Variants in GRIK2 observed in about 807,000 individuals in gnomAD.
The protein encoded by GRIK2 is glutamate ionotropic receptor kainate type subunit 2.
Under a neutral mutation model 100.3 loss-of-function variants are expected in GRIK2, and 32 were observed. The observed-to-expected ratio is 0.32, with a 90% CI of 0.24 to 0.43. The LOEUF is 0.43. Among genes scored for constraint, GRIK2 ranks in the 20% least tolerant of loss-of-function variants. The pLI, the probability that GRIK2 is intolerant of heterozygous loss-of-function variation, is 1.00. For synonymous variants in GRIK2, 417 were observed against 389.4 expected (o/e 1.07, Z -0.83); for missense variants, 843 against 1,114.9 (o/e 0.76, Z 3.47).
chr6:101,696,371 C>A lies in GRIK2; in HGVS notation c.951+10018C>A, dbSNP rs540452706. Among the ~76,000 whole-genome samples, 16 of 151,650 alleles carry A rather than the reference C, an allele frequency of 1.1e-4. No homozygotes were observed. The East Asian group carries it at 2.5e-3, about 24-fold the overall frequency. ...AAATATATACCTCAGTAGATATTTC[C>A]ATTTCTTTTGTTTTAAATTACCTAC... On this transcript the variant is annotated intron_variant, in intron 7 of 16. Transcript: ENST00000369134.
At position 101,536,269 on chromosome 6, in the gene GRIK2, G is replaced by A. The variant is rs115973197; in HGVS notation, c.116-85680G>A. Among the ~76,000 whole-genome samples, 1,065 of 151,730 alleles carry A rather than the reference G, an allele frequency of 7.0e-3. 15 individuals are homozygous for A. The highest frequency in any genetic ancestry group is 0.024 in the African/African-American group (1,004 of 41,468). ...TCAGAGATGACTTGGTTTCTACAGC[G>A]TCTTAGATAGAAGGCTATTAAACCA... On this transcript the variant is annotated intron_variant, in intron 2 of 16. Coordinates refer to ENST00000369134, the MANE Select transcript of GRIK2 (RefSeq NM_021956.5).
chr6:101,991,434 AAAT>A (rs1204448727), intron 14 of GRIK2, among the ~76,000 whole-genome samples: 13 of 150,620 alleles, frequency 8.6e-5, no homozygotes, highest in African/African-American at 2.9e-4. Context: ...TTTGTTTTGT[AAAT>A]AATAATATTG....
intron 11 of GRIK2, among the ~76,000 whole-genome samples, chr6:101,869,772 C>G (rs1456900196): frequency 6.6e-6 from 1 of 151,772 alleles, no homozygotes; most frequent in Non-Finnish European, 1.5e-5. Flanking sequence ...GTTAGGGACC[C>G]CTTGCTTCTG....
intron 2 of GRIK2, among the ~76,000 whole-genome samples, chr6:101,473,748 A>ATT (rs1772076685): frequency 1.3e-5 from 2 of 151,832 alleles, no homozygotes; most frequent in African/African-American, 2.4e-5. Context: ...TTTGTAACAC[A>ATT]TTTTATTTAT....
At chr6:101,735,665 C>T (rs1775583531) in intron 7 of GRIK2, among the ~76,000 whole-genome samples, 1 of 152,134 alleles carries the variant, frequency 6.6e-6, no homozygotes, top group Non-Finnish European at 1.5e-5. Context: ...AGTTATCTCC[C>T]ACCAGATTCC....
intron 10 of GRIK2, among the ~76,000 whole-genome samples, chr6:101,854,328 C>T (rs1408128269): frequency 1.3e-5 from 2 of 152,120 alleles, no homozygotes; most frequent in Non-Finnish European, 1.5e-5. Flanking sequence ...GGCACAATCT[C>T]GGCTCACTGC....
chr6:101,804,279 A>G (rs1431288205), intron 9 of GRIK2, among the ~76,000 whole-genome samples: 1 of 152,006 alleles, frequency 6.6e-6, no homozygotes, highest in Non-Finnish European at 1.5e-5. Context: ...TTACACACAT[A>G]CACATACAAA....
chr6:102,012,915 A>C (rs1795624908), intron 14 of GRIK2, among the ~76,000 whole-genome samples: 1 of 152,066 alleles, frequency 6.6e-6, no homozygotes, highest in Admixed American at 6.6e-5. Flanking sequence ...TTGACTATTC[A>C]AGCTCTTTTT....
chr6:101,808,451 C>T (rs1326689288), intron 9 of GRIK2, among the ~76,000 whole-genome samples: 4 of 151,964 alleles, frequency 2.6e-5, no homozygotes, highest in Admixed American at 6.6e-5. Flanking sequence ...CAAAGTACTT[C>T]GTGTGTTTTC....
intron 2 of GRIK2, among the ~76,000 whole-genome samples, chr6:101,502,771 T>A (rs1432753863): frequency 6.6e-6 from 1 of 152,046 alleles, no homozygotes; most frequent in Non-Finnish European, 1.5e-5. Context: ...ACAATTACAG[T>A]TTTTCAATGG....
At chr6:102,051,145 C>T (rs1364543092) in intron 15 of GRIK2, among the ~76,000 whole-genome samples, 1 of 152,064 alleles carries the variant, frequency 6.6e-6, no homozygotes, top group Non-Finnish European at 1.5e-5. Flanking sequence ...TGCCTCTATA[C>T]CTCCTTTGAG....
intron 2 of GRIK2, among the ~76,000 whole-genome samples, chr6:101,528,461 C>T (rs573835312): frequency 6.6e-6 from 1 of 152,200 alleles, no homozygotes; most frequent in East Asian, 1.9e-4. Flanking sequence ...AATGAGCTAG[C>T]AATTTTTTTT....
intron 2 of GRIK2, among the ~76,000 whole-genome samples, chr6:101,481,696 T>A (rs1416849978): frequency 6.6e-6 from 1 of 152,176 alleles, no homozygotes; most frequent in South Asian, 2.1e-4. Flanking sequence ...AGAAGTATTT[T>A]AAATATATTT....
chr6:101,777,803 T>C (rs1274485156), intron 7 of GRIK2, among the ~76,000 whole-genome samples: 3 of 152,184 alleles, frequency 2.0e-5, no homozygotes, highest in Non-Finnish European at 2.9e-5. Context: ...AAAGGGGACC[T>C]GCCTGCACTT....
chr6:101,548,416 A>G (rs1049325123), intron 2 of GRIK2, among the ~76,000 whole-genome samples: 51 of 152,146 alleles, frequency 3.4e-4, no homozygotes, highest in Admixed American at 1.5e-3. Context: ...CCTGAATGGT[A>G]ATGCCTAGGT....
intron 2 of GRIK2, among the ~76,000 whole-genome samples, chr6:101,409,491 T>C (rs2063765855): frequency 6.6e-6 from 1 of 152,114 alleles, no homozygotes; most frequent in Non-Finnish European, 1.5e-5. Context: ...TTAAAATAAA[T>C]AGAATTAAAA....
chr6:102,004,096 A>T (rs948194588), intron 14 of GRIK2, among the ~76,000 whole-genome samples: 17 of 150,380 alleles, frequency 1.1e-4, no homozygotes, highest in African/African-American at 3.9e-4. Context: ...AGTATCACCA[A>T]TGTATTTTAT....
chr6:101,587,062 T>C (rs1370621651), intron 2 of GRIK2, among the ~76,000 whole-genome samples: 2 of 152,142 alleles, frequency 1.3e-5, no homozygotes, highest in African/African-American at 4.8e-5. Context: ...AGGATAATTC[T>C]AGAATTTGTT....
At chr6:101,428,597 G>T (rs546001903) in intron 2 of GRIK2, among the ~76,000 whole-genome samples, 1 of 152,180 alleles carries the variant, frequency 6.6e-6, no homozygotes, top group East Asian at 1.9e-4. Flanking sequence ...TTGCAGTTAC[G>T]TAAGGAAATT....
Sources: allele counts gnomAD v4.1 joint callset (sites outside exome capture counted in the v4.1 genomes callset), GRCh38; gene constraint gnomAD v4.1.1; transcripts MANE v1.5; gene names NCBI Gene and HGNC (gene_info 2026-07-23, HGNC 2026-07-21).